Variants in TEX9 observed in about 807,000 individuals in gnomAD.
TEX9 encodes testis expressed 9.
Under a neutral mutation model 59.6 loss-of-function variants are expected in TEX9, and 74 were observed. The ratio of observed to expected loss-of-function variants is 1.24; its 90% CI spans 1.03 to 1.51. The LOEUF is 1.51. Among genes scored for constraint, TEX9 ranks in the 40% most tolerant of loss-of-function variants. The pLI, the probability that TEX9 is intolerant of heterozygous loss-of-function variation, is 0.00. For missense variants in TEX9, 522 were observed against 447.8 expected, an observed-to-expected ratio of 1.17 and a Z score of -1.49; for synonymous variants, 186 against 152.2, an observed-to-expected ratio of 1.22 and a Z score of -1.64.
At chr15:56,278,436 A>G (rs1470079061) in intron 1 of TEX9, among the ~76,000 whole-genome samples, 1 of 152,186 alleles carries the variant, frequency 6.6e-6, no homozygotes, top group Non-Finnish European at 1.5e-5. Flanking sequence ...ACAGTGCACC[A>G]CTGGAGTGTC....
rs1264415857 is a variant in TEX9 at position 56,440,346 on chromosome 15, G to A, written c.*30-5325G>A. ...GCTGGTGAGAATGCAGACAGACTGC[G>A]TAACTCATATATTTCTGATGGGAAT... is the stretch of plus-strand genomic sequence containing the variant. On this transcript the variant is annotated intron_variant, in intron 12 of 12. Transcript: ENST00000352903. 2.0e-5 allele frequency among the ~76,000 whole-genome samples: 3 copies of A among 152,188 alleles called. No individual in the cohort carries two copies. The East Asian group carries it at 5.8e-4, about 29-fold the overall frequency.
At chr15:56,291,507 T>C (rs1167506090) in intron 1 of TEX9, among the ~76,000 whole-genome samples, 1 of 152,208 alleles carries the variant, frequency 6.6e-6, no homozygotes, top group Non-Finnish European at 1.5e-5. Context: ...TATGGAATGG[T>C]TGAATCAACC....
At chr15:56,391,977 C>T (rs2048237597) in intron 7 of TEX9, among the ~76,000 whole-genome samples, 1 of 151,960 alleles carries the variant, frequency 6.6e-6, no homozygotes, top group African/African-American at 2.4e-5. Flanking sequence ...AAATTTTGAT[C>T]AACTGAAAAC....
At chr15:56,456,088 T>A in the TEX9 span, among the ~76,000 whole-genome samples, 1 of 152,156 alleles carries the variant, frequency 6.6e-6, no homozygotes, top group Non-Finnish European at 1.5e-5. Context: ...TTAAACTAGT[T>A]ATTACCTAAG....
At chr15:56,267,318 G>A (rs1385158259) in intron 1 of TEX9, among the ~76,000 whole-genome samples, 1 of 152,156 alleles carries the variant, frequency 6.6e-6, no homozygotes, top group African/African-American at 2.4e-5. Flanking sequence ...CTGTGCAGAA[G>A]CTCTTTAGTT....
At chr15:56,292,013 C>T (rs1190909376) in intron 1 of TEX9, among the ~76,000 whole-genome samples, 6 of 152,216 alleles carry the variant, frequency 3.9e-5, no homozygotes, top group African/African-American at 7.2e-5. Flanking sequence ...TCAACTGAGG[C>T]GCTGGCATAG....
At chr15:56,298,309 T>C (rs1325690775) in intron 1 of TEX9, among the ~76,000 whole-genome samples, 7 of 152,210 alleles carry the variant, frequency 4.6e-5, no homozygotes, top group African/African-American at 1.4e-4. Context: ...TCTTCAAATA[T>C]CTCCCTTTAA....
chr15:56,319,868 G>A (rs1205729293), intron 1 of TEX9, among the ~76,000 whole-genome samples: 5 of 152,216 alleles, frequency 3.3e-5, no homozygotes, highest in African/African-American at 4.8e-5. Context: ...TGGAGGATGG[G>A]TAGGTTCAAT....
exon 11 of TEX9, chr15:56,427,614 A>G (rs769903374): frequency 8.5e-6 from 13 of 1,532,868 alleles, no homozygotes; most frequent in Non-Finnish European, 9.6e-6. Context: ...GGACATAGCA[A>G]ATGAAGAACA....
intron 1 of TEX9, among the ~76,000 whole-genome samples, chr15:56,250,641 A>G (rs144442041): frequency 0.013 from 2,011 of 152,250 alleles, 17 homozygotes; most frequent in Non-Finnish European, 0.019. Flanking sequence ...ATGTTTACAT[A>G]TTTTAAAGGA....
chr15:56,342,688 G>C (rs2046395216), intron 1 of TEX9, among the ~76,000 whole-genome samples: 1 of 152,072 alleles, frequency 6.6e-6, no homozygotes, highest in African/African-American at 2.4e-5. Flanking sequence ...ATAAGGAAAG[G>C]TTATGTTGGA....
intron 10 of TEX9, 100 bp downstream of exon 10, chr15:56,412,536 A>C: frequency 3.2e-6 from 4 of 1,258,542 alleles, no homozygotes; most frequent in Non-Finnish European, 4.4e-6. Context: ...TCTTGATGTC[A>C]TGCTGAACAT....
chr15:56,358,339 GTT>G (rs34048615), intron 1 of TEX9, among the ~76,000 whole-genome samples: 1 of 144,388 alleles, frequency 6.9e-6, no homozygotes, highest in African/African-American at 2.5e-5. Context: ...GCATAGATAA[GTT>G]TTTTTTTTTT....
At chr15:56,304,090 A>G (rs1420547654) in intron 1 of TEX9, among the ~76,000 whole-genome samples, 6 of 152,230 alleles carry the variant, frequency 3.9e-5, no homozygotes, top group Non-Finnish European at 8.8e-5. Context: ...TATCAATTTT[A>G]CTCAAACTAT....
intron 1 of TEX9, among the ~76,000 whole-genome samples, chr15:56,297,597 C>G (rs2045247024): frequency 6.6e-6 from 1 of 152,332 alleles, no homozygotes; most frequent in East Asian, 1.9e-4. Flanking sequence ...CTCTGCCTCT[C>G]TGGTTCAAGC....
At chr15:56,364,325 T>A (rs2046851760), upstream of TEX9, among the ~76,000 whole-genome samples, 1 of 151,970 alleles carries the variant, frequency 6.6e-6, no homozygotes, top group Non-Finnish European at 1.5e-5. Context: ...GGCTAATTTT[T>A]TTTTTTTAGG....
intron 10 of TEX9, 62 bp from the exon 11 acceptor site, chr15:56,427,543 T>G: frequency 8.6e-7 from 1 of 1,168,846 alleles, no homozygotes; most frequent in South Asian, 1.7e-5. Flanking sequence ...GATGATAGTC[T>G]ATAATTCTTT....
At chr15:56,411,986 T>G in intron 9 of TEX9, among the ~76,000 whole-genome samples, 1 of 152,096 alleles carries the variant, frequency 6.6e-6, no homozygotes, top group Non-Finnish European at 1.5e-5. Flanking sequence ...TTATAATGAG[T>G]TGTTTATAAA....
intron 1 of TEX9, among the ~76,000 whole-genome samples, chr15:56,285,192 C>T (rs1249720097): frequency 1.3e-5 from 2 of 152,098 alleles, no homozygotes; most frequent in Admixed American, 6.6e-5. Flanking sequence ...GTGCTAGTTG[C>T]AGTCTCTTGA....
Sources: allele counts gnomAD v4.1 joint callset (sites outside exome capture counted in the v4.1 genomes callset), GRCh38; gene constraint gnomAD v4.1.1; transcripts MANE v1.5; gene names NCBI Gene and HGNC (gene_info 2026-07-23, HGNC 2026-07-21).